PRR14L: variants seen among roughly 807,000 people sequenced by gnomAD.
PRR14L encodes the protein protein PRR14L.
A neutral mutation model predicts 155.0 loss-of-function variants in PRR14L; 80 were observed. The ratio of observed to expected loss-of-function variants is 0.52; its 90% CI spans 0.43 to 0.62. The LOEUF (loss-of-function observed/expected upper bound fraction) is 0.62, where lower values mean the gene tolerates loss of function less well. Ranked by LOEUF, PRR14L falls within the 20% of genes least tolerant of loss-of-function variation. The pLI, the probability that PRR14L is intolerant of heterozygous loss-of-function variation, is 0.00. For missense variants in PRR14L, 2,469 were observed against 2,548.0 expected (o/e 0.97, Z 0.67); for synonymous variants, 883 against 916.0 (o/e 0.96, Z 0.65).
Position 31,715,503 on chromosome 22 carries a change from C to CT in PRR14L, c.2335dup (p.Ser779LysfsTer9). 1 of 1,552,264 alleles carries CT rather than the reference C, an allele frequency of 6.4e-7. No individual in the cohort carries two copies. The highest frequency in any genetic ancestry group is 8.7e-7 in the Non-Finnish European group (1 of 1,147,084). Reference sequence around the variant, plus strand: ...GCTAGAGATATCCTGAGATTGAACGCTGTGACATTCTATGACAGAGACCAC... The same window carrying CT: ...GCTAGAGATATCCTGAGATTGAACGCTTGTGACATTCTATGACAGAGACCAC... On this transcript the variant is annotated frameshift_variant, in exon 4 of 9. Transcript: ENST00000327423. LOFTEE classifies it high-confidence loss of function.
intron 2 of PRR14L, among the ~76,000 whole-genome samples, chr22:31,726,218 C>T (rs960340782): frequency 2.0e-5 from 3 of 151,718 alleles, no homozygotes; most frequent in Admixed American, 6.6e-5. Flanking sequence ...GCAACTTCTG[C>T]CTCATGGGTT....
At chr22:31,733,926 A>G (rs1453033321) in intron 2 of PRR14L, among the ~76,000 whole-genome samples, 4 of 151,444 alleles carry the variant, frequency 2.6e-5, no homozygotes, top group Middle Eastern at 3.2e-3. Flanking sequence ...ACACACATAC[A>G]CCACACAAAC....
At chr22:31,737,015 G>A (rs145507592) in intron 2 of PRR14L, among the ~76,000 whole-genome samples, 1,432 of 136,066 alleles carry the variant, frequency 0.011, 25 homozygotes, top group African/African-American at 0.037. Context: ...TCCAGCCTGG[G>A]AGACAGTGAG....
intron 7 of PRR14L, among the ~76,000 whole-genome samples, chr22:31,697,405 C>G (rs1370874823): frequency 1.3e-5 from 2 of 151,918 alleles, no homozygotes; most frequent in Non-Finnish European, 2.9e-5. Context: ...GCCTCGTTCA[C>G]CTTGATTATC....
At position 31,687,023 on chromosome 22, in the gene PRR14L, T is replaced by C. The variant is rs372524008; in HGVS notation, c.6179+1133A>G. Among the ~76,000 whole-genome samples, 440 of 152,236 alleles carry C rather than the reference T, an allele frequency of 2.9e-3. 20 individuals are homozygous for C. The South Asian group carries it at 0.088, about 31-fold the overall frequency. ...TGGTAAAAATACAAACACAAACTAC[T>C]TGTTTATACTTCTTTTTTCTTTTTC... On this transcript the variant is annotated intron_variant, in intron 8 of 8. Coordinates refer to ENST00000327423, the MANE Select transcript of PRR14L (RefSeq NM_173566.3).
Position 31,713,904 on chromosome 22 carries a change from C to A in PRR14L, c.3935G>T (p.Cys1312Phe). Reference sequence around the variant, plus strand: ...GTCAGAGGAATTCTCGTGAGGGTGACAAGCTTTGCAAGCATTCTTTTCCAC... The same window carrying A: ...GTCAGAGGAATTCTCGTGAGGGTGAAAAGCTTTGCAAGCATTCTTTTCCAC... Reference protein sequence around the residue: ...TCVEKNACKACHPHENSSDRH... With the variant: ...TCVEKNACKAFHPHENSSDRH... The change falls in exon 4 of 9, where the codon TGT becomes TTT. Residue 1312 changes from cysteine (C) to phenylalanine (F), a missense_variant. Cys to Phe is a radical substitution (Grantham distance 205). Coordinates refer to ENST00000327423, the MANE Select transcript of PRR14L (RefSeq NM_173566.3). 6.4e-7 allele frequency: 1 copy of A among 1,551,938 alleles called. No homozygotes were observed. Among genetic ancestry groups the A allele is most frequent in the Non-Finnish European group, 8.7e-7 (1 of 1,147,028 alleles).
chr22:31,701,861 G>A, intron 6 of PRR14L, 99 bp from the exon 7 acceptor site: 1 of 872,716 alleles, frequency 1.1e-6, no homozygotes, highest in Non-Finnish European at 1.8e-6. Context: ...AGGCTGGTGT[G>A]AAGTGGTGCA....
rs533518799 is a variant in PRR14L at position 31,734,756 on chromosome 22, T to C, written c.474+3631A>G. Among the ~76,000 whole-genome samples, 5 of 152,332 alleles carry C rather than the reference T, an allele frequency of 3.3e-5. No individual in the cohort carries two copies. In the South Asian group the frequency reaches 1.0e-3, roughly 32 times the overall value. On this transcript the variant is annotated intron_variant, in intron 2 of 8. Transcript: ENST00000327423. ...CAGGTTGTGTCATTAGTGTGAATAC[T>C]TATCCATGAATGCATTCCTGGTTTT... is the stretch of plus-strand genomic sequence containing the variant.
At chr22:31,717,966 C>T (rs895170134) in intron 3 of PRR14L, among the ~76,000 whole-genome samples, 7 of 147,286 alleles carry the variant, frequency 4.8e-5, no homozygotes, top group South Asian at 2.1e-4. Context: ...TTGCTCTTGT[C>T]GCCCAGGCTG....
chr22:31,730,373 G>A (rs2074742029), intron 2 of PRR14L, among the ~76,000 whole-genome samples: 1 of 152,228 alleles, frequency 6.6e-6, no homozygotes, highest in Non-Finnish European at 1.5e-5. Context: ...GGACCCGGGA[G>A]GCGAAGGTTG....
At chr22:31,686,060 A>G (rs2074480468) in intron 8 of PRR14L, among the ~76,000 whole-genome samples, 2 of 151,478 alleles carry the variant, frequency 1.3e-5, no homozygotes, top group African/African-American at 2.4e-5. Context: ...TCAGCCTCCC[A>G]AGTAGTGGGG....
In PRR14L at chr22:31,738,888, G is replaced by T; in HGVS notation, c.-28C>A. On this transcript the variant is annotated 5_prime_UTR_variant, in exon 2 of 9. Transcript: ENST00000327423. ...GGACAGATGCAGATTATGGAGTCAA[G>T]TCTTTTACATCAAATGATTCACCCT... 1 of 1,394,446 alleles carries T rather than the reference G, an allele frequency of 7.2e-7. No individual in the cohort carries two copies. Among genetic ancestry groups the T allele is most frequent in the Non-Finnish European group, 9.7e-7 (1 of 1,026,210 alleles). The allele number at this position is 1,394,446 out of a possible 1,614,324, so 86.4% of individuals were successfully genotyped here.
chr22:31,692,541 T>C (rs868006800), intron 7 of PRR14L, among the ~76,000 whole-genome samples: 2 of 152,238 alleles, frequency 1.3e-5, no homozygotes, highest in South Asian at 2.1e-4. Flanking sequence ...TGTTGAACTA[T>C]AAGAGTTCTT....
rs907027697 is a variant in PRR14L, at chr22:31,723,812, C to G, written c.547+1726G>C. Among the ~76,000 whole-genome samples the G allele has an allele frequency of 3.9e-5, 6 of 152,170 alleles. No homozygotes were observed. The East Asian group carries it at 1.2e-3, about 29-fold the overall frequency. On this transcript the variant is annotated intron_variant, in intron 3 of 8. Coordinates refer to ENST00000327423, the MANE Select transcript of PRR14L (RefSeq NM_173566.3). ...GCTGCCGAGAAGCTAAGAGTCAAATCTGATGTTTCATCACAGTAACAAAAT... is the reference window on the plus strand; with the variant it reads ...GCTGCCGAGAAGCTAAGAGTCAAATGTGATGTTTCATCACAGTAACAAAAT...
chr22:31,688,399 T>C (rs1275868270), intron 7 of PRR14L, among the ~76,000 whole-genome samples, 172 bp from the exon 8 acceptor site: 1 of 151,602 alleles, frequency 6.6e-6, no homozygotes, highest in African/African-American at 2.4e-5. Context: ...GGATTACAGG[T>C]GTGTGCCACC....
chr22:31,717,169 G>C lies in PRR14L; in HGVS notation c.670C>G (p.Leu224Val). ...TGGAATTCACCGCATCCAGCTGAGA[G>C]ATCTTTACTCACATTGCCATTTTTG... Reference protein sequence around the residue: ...GHKNGNVSKDLSAGCGEFQEV... With the variant: ...GHKNGNVSKDVSAGCGEFQEV... The change falls in exon 4 of 9, where the codon CTC becomes GTC. Residue 224 changes from leucine (L) to valine (V), a missense_variant. By Grantham distance (32) the Leu-to-Val change is conservative. This residue lies in a region of PRR14L where 2,363 missense variants were observed against 2,371.6 expected (regional missense o/e 1.00). Transcript: ENST00000327423. The C allele has an allele frequency of 1.9e-6, 3 of 1,552,318 alleles. No individual in the cohort carries two copies. The highest frequency in any genetic ancestry group is 2.6e-6 in the Non-Finnish European group (3 of 1,147,134).
At chr22:31,722,961 G>A (rs2074698929) in intron 3 of PRR14L, among the ~76,000 whole-genome samples, 1 of 152,180 alleles carries the variant, frequency 6.6e-6, no homozygotes, top group Admixed American at 6.5e-5. Context: ...CCATGGTGAT[G>A]GCATATATTG....
rs778428570 is a variant in PRR14L, at chr22:31,681,607, A to G, written c.*3920T>C. 4.6e-5 allele frequency: 7 copies of G among 152,166 alleles called. No homozygotes were observed. The highest frequency in any genetic ancestry group is 9.7e-5 in the African/African-American group (4 of 41,426). The allele number at this position is 152,166 out of a possible 1,614,324, so 9.4% of individuals were successfully genotyped here. The stretch of plus-strand genomic sequence containing the variant: ...ATTCAAATCCAATTCAGCACCAGAG[A>G]GGGGCTTGTGAAGACACACAATCAA... On this transcript the variant is annotated 3_prime_UTR_variant, in exon 9 of 9. Transcript: ENST00000327423.
intron 2 of PRR14L, among the ~76,000 whole-genome samples, chr22:31,733,649 AGTTTTG>A (rs1393395350): frequency 6.6e-6 from 1 of 152,048 alleles, no homozygotes; most frequent in Non-Finnish European, 1.5e-5. Flanking sequence ...AGGCACCAAT[AGTTTTG>A]TTAAATGTTG....
Sources: gnomAD v4.1 joint callset for allele counts (sites outside exome capture counted in the v4.1 genomes callset) on GRCh38, gnomAD v4.1.1 for gene constraint, gnomAD v4.1.1 regional missense constraint, MANE v1.5 for transcripts, NCBI Gene and HGNC (gene_info 2026-07-23, HGNC 2026-07-21) for gene names.